Variants in LRRTM4 observed in about 807,000 individuals in gnomAD.
LRRTM4 encodes the protein leucine rich repeat transmembrane neuronal 4.
In LRRTM4, 25 loss-of-function variants were observed where a neutral mutation model predicts 47.6. That is an observed-to-expected ratio of 0.53 (90% CI 0.38 to 0.73). LRRTM4 has a LOEUF of 0.73. Among genes scored for constraint, LRRTM4 ranks in the 30% least tolerant of loss-of-function variants. The pLI is 0.00. For missense variants in LRRTM4, 638 were observed against 713.4 expected, an observed-to-expected ratio of 0.89 and a Z score of 1.20; for synonymous variants, 311 against 269.5, an observed-to-expected ratio of 1.15 and a Z score of -1.51.
chr2:77,014,916 G>C (rs1678006392), intron 3 of LRRTM4, among the ~76,000 whole-genome samples: 1 of 152,100 alleles, frequency 6.6e-6, no homozygotes, highest in South Asian at 2.1e-4. Context: ...TTTATTTGAA[G>C]AGTGATGATT....
intron 3 of LRRTM4, among the ~76,000 whole-genome samples, chr2:76,913,448 A>G (rs1573304943): frequency 6.6e-6 from 1 of 151,902 alleles, no homozygotes; most frequent in Admixed American, 6.6e-5. Context: ...AAACCTTTAC[A>G]TTGAAAATGT....
chr2:77,088,124 AAG>A (rs1680787286), intron 3 of LRRTM4, among the ~76,000 whole-genome samples: 1 of 152,192 alleles, frequency 6.6e-6, no homozygotes, highest in South Asian at 2.1e-4. Flanking sequence ...AAGAGGAGAA[AAG>A]AGAAGATAAT....
chr2:76,794,663 C>T (rs891933216), intron 3 of LRRTM4, among the ~76,000 whole-genome samples: 3 of 151,918 alleles, frequency 2.0e-5, no homozygotes, highest in Non-Finnish European at 2.9e-5. Context: ...TGTTTATTTT[C>T]TTCTTATTCC....
In LRRTM4 at chr2:76,782,955, C is replaced by T. The variant is rs555777919; in HGVS notation, c.1552-34039G>A. 3.3e-5 allele frequency among the ~76,000 whole-genome samples: 5 copies of T among 152,160 alleles called. No individual in the cohort carries two copies. In the East Asian group the frequency reaches 7.7e-4, roughly 24 times the overall value. On this transcript the variant is annotated intron_variant, in intron 3 of 3. Coordinates refer to ENST00000409884, the MANE Select transcript of LRRTM4 (RefSeq NM_001134745.3). ...ATAACAAATTGTTGAAGCTTTTATT[C>T]AAAGATTGTAGATTTCTTAAAAATT...
chr2:77,256,963 C>T (rs4853309), intron 3 of LRRTM4, among the ~76,000 whole-genome samples: 62,838 of 151,852 alleles, frequency 0.41, 15,380 homozygotes, highest in Non-Finnish European at 0.53. Context: ...GGGTTTATTC[C>T]AGCAATGCAA....
chr2:77,113,433 C>A (rs1671303894), intron 3 of LRRTM4, among the ~76,000 whole-genome samples: 1 of 152,104 alleles, frequency 6.6e-6, no homozygotes. Context: ...CATTTGTACA[C>A]CTTGAGCATT....
intron 3 of LRRTM4, among the ~76,000 whole-genome samples, chr2:77,075,953 G>C (rs886856345): frequency 6.3e-4 from 79 of 125,930 alleles, no homozygotes; most frequent in African/African-American, 2.3e-3. Context: ...ATGGGATGAA[G>C]AATTAAGCTG....
At chr2:77,008,958 A>AT (rs1677767481) in intron 3 of LRRTM4, 1 of 151,716 alleles carries the variant, frequency 6.6e-6, no homozygotes, top group Non-Finnish European at 1.5e-5. Flanking sequence ...AAAAGAAAAA[A>AT]AAAACGATGA....
intron 3 of LRRTM4, among the ~76,000 whole-genome samples, chr2:77,490,264 A>G (rs1012312327): frequency 6.6e-6 from 1 of 152,104 alleles, no homozygotes; most frequent in African/African-American, 2.4e-5. Context: ...AAAACAAAAC[A>G]AAACAAAAAA....
chr2:77,113,411 C>T (rs1671303173), intron 3 of LRRTM4, among the ~76,000 whole-genome samples: 2 of 152,096 alleles, frequency 1.3e-5, no homozygotes, highest in African/African-American at 4.8e-5. Context: ...GATTGAGCGG[C>T]GCATAGCGAC....
intron 3 of LRRTM4, among the ~76,000 whole-genome samples, chr2:77,373,137 TA>T (rs1269027129): frequency 6.8e-6 from 1 of 147,442 alleles, no homozygotes; most frequent in Non-Finnish European, 1.5e-5. Context: ...ACTATATATA[TA>T]AACTCAAAAA....
chr2:77,031,761 G>T (rs1306361993), intron 3 of LRRTM4, among the ~76,000 whole-genome samples: 2 of 152,124 alleles, frequency 1.3e-5, no homozygotes, highest in African/African-American at 4.8e-5. Flanking sequence ...GACAGAGAGA[G>T]AGCGCGCACA....
intron 3 of LRRTM4, among the ~76,000 whole-genome samples, chr2:76,885,785 A>C (rs1054717221): frequency 6.6e-6 from 1 of 152,144 alleles, no homozygotes; most frequent in African/African-American, 2.4e-5. Context: ...TTTTTTTAAA[A>C]AAAGCTAAGA....
intron 3 of LRRTM4, among the ~76,000 whole-genome samples, chr2:76,934,942 C>A (rs1251754607): frequency 6.7e-6 from 1 of 149,536 alleles, no homozygotes; most frequent in East Asian, 2.0e-4. Flanking sequence ...AGAGGATTTT[C>A]TTTCCCAATT....
intron 3 of LRRTM4, among the ~76,000 whole-genome samples, chr2:77,287,951 G>C (rs1676710494): frequency 6.6e-6 from 1 of 152,060 alleles, no homozygotes. Context: ...ATACAACAAA[G>C]GGTAATGTAT....
intron 3 of LRRTM4, among the ~76,000 whole-genome samples, chr2:76,982,846 A>C (rs760484221): frequency 6.6e-6 from 1 of 152,120 alleles, no homozygotes; most frequent in African/African-American, 2.4e-5. Context: ...ACACTTGCAA[A>C]TAAGTGAAGT....
At chr2:77,074,151 C>G (rs959775272) in intron 3 of LRRTM4, among the ~76,000 whole-genome samples, 8 of 152,248 alleles carry the variant, frequency 5.3e-5, no homozygotes, top group Middle Eastern at 3.4e-3. Flanking sequence ...CTGGCTCCAA[C>G]TTCATCTGCA....
intron 3 of LRRTM4, among the ~76,000 whole-genome samples, chr2:77,117,616 T>C (rs1671422613): frequency 6.6e-6 from 1 of 151,934 alleles, no homozygotes; most frequent in Non-Finnish European, 1.5e-5. Context: ...ATAAATAAAA[T>C]TGTCAAATAA....
At chr2:77,412,412 A>T (rs1303318194) in intron 3 of LRRTM4, among the ~76,000 whole-genome samples, 1 of 152,214 alleles carries the variant, frequency 6.6e-6, no homozygotes, top group East Asian at 1.9e-4. Context: ...TCAGCCATCT[A>T]GCAAATATTC....
Sources: gnomAD v4.1 joint callset for allele counts (sites outside exome capture counted in the v4.1 genomes callset) on GRCh38, gnomAD v4.1.1 for gene constraint, MANE v1.5 for transcripts, NCBI Gene and HGNC (gene_info 2026-07-23, HGNC 2026-07-21) for gene names.